CAMK4: variants seen among roughly 807,000 people sequenced by gnomAD.
The protein encoded by CAMK4 is calcium/calmodulin dependent protein kinase IV.
A neutral mutation model predicts 44.9 loss-of-function variants in CAMK4; 22 were observed. That is an observed-to-expected ratio of 0.49 (90% CI 0.35 to 0.70). CAMK4 has a LOEUF of 0.70. Ranked by LOEUF, CAMK4 falls within the 30% of genes least tolerant of loss-of-function variation. The pLI, the probability that CAMK4 is intolerant of heterozygous loss-of-function variation, is 0.01. For synonymous variants in CAMK4, 218 were observed against 215.4 expected (o/e 1.01, Z -0.11); for missense variants, 498 against 586.8 (o/e 0.85, Z 1.56).
At chr5:111,311,659 G>T (rs1004836027) in intron 1 of CAMK4, among the ~76,000 whole-genome samples, 1 of 152,110 alleles carries the variant, frequency 6.6e-6, no homozygotes, top group African/African-American at 2.4e-5. Flanking sequence ...AGGATTCTTT[G>T]CTCTTCTTGG....
At chr5:111,254,651 C>G (rs1020341987) in intron 1 of CAMK4, among the ~76,000 whole-genome samples, 1 of 152,170 alleles carries the variant, frequency 6.6e-6, no homozygotes, top group Non-Finnish European at 1.5e-5. Context: ...CTGCACATCC[C>G]ATCTACTCCT....
intron 1 of CAMK4, among the ~76,000 whole-genome samples, chr5:111,257,478 T>C (rs1241054129): frequency 1.3e-5 from 2 of 152,164 alleles, no homozygotes; most frequent in Non-Finnish European, 2.9e-5. Flanking sequence ...ATGACAGTTA[T>C]TAAAAAGTCA....
At chr5:111,442,588 G>C (rs1431171447) in intron 5 of CAMK4, among the ~76,000 whole-genome samples, 1 of 149,060 alleles carries the variant, frequency 6.7e-6, no homozygotes, top group Non-Finnish European at 1.5e-5. Flanking sequence ...GAGGCTACAT[G>C]GTGTGTGATT....
At chr5:111,470,463 T>C (rs1051531608) in intron 7 of CAMK4, among the ~76,000 whole-genome samples, 9 of 152,182 alleles carry the variant, frequency 5.9e-5, no homozygotes, top group Admixed American at 3.3e-4. Context: ...TTATCTCATA[T>C]AGGGAGCACT....
intron 4 of CAMK4, among the ~76,000 whole-genome samples, chr5:111,385,871 G>A (rs566310076): frequency 3.7e-4 from 56 of 152,162 alleles, no homozygotes; most frequent in African/African-American, 1.2e-3. Context: ...CACCACGCCC[G>A]GCTGCAATAT....
intron 1 of CAMK4, among the ~76,000 whole-genome samples, chr5:111,286,210 A>G (rs1335194909): frequency 6.6e-6 from 1 of 152,152 alleles, no homozygotes; most frequent in Non-Finnish European, 1.5e-5. Flanking sequence ...ATCTTATTTC[A>G]CCATCATAAT....
intron 1 of CAMK4, among the ~76,000 whole-genome samples, chr5:111,231,986 A>G (rs966306370): frequency 6.6e-5 from 10 of 152,230 alleles, no homozygotes; most frequent in African/African-American, 2.4e-4. Context: ...TCTTGATGTA[A>G]TCAGAATCAT....
chr5:111,270,048 C>T (rs181738787), intron 1 of CAMK4: 2 of 152,664 alleles, frequency 1.3e-5, no homozygotes, highest in Non-Finnish European at 2.9e-5. Flanking sequence ...TTCATTTCCT[C>T]CTCCAGTTCT....
At chr5:111,257,062 A>G (rs1445196445) in intron 1 of CAMK4, among the ~76,000 whole-genome samples, 1 of 152,264 alleles carries the variant, frequency 6.6e-6, no homozygotes, top group South Asian at 2.1e-4. Flanking sequence ...AAGAAAATCT[A>G]GGTGATACTA....
chr5:111,328,082 G>C (rs1748981063), intron 1 of CAMK4, among the ~76,000 whole-genome samples: 1 of 125,462 alleles, frequency 8.0e-6, no homozygotes, highest in Non-Finnish European at 1.6e-5. Flanking sequence ...TGAAGTCCTT[G>C]CCCATGCCTG....
At chr5:111,297,392 C>G (rs932695650) in intron 1 of CAMK4, among the ~76,000 whole-genome samples, 1 of 152,158 alleles carries the variant, frequency 6.6e-6, no homozygotes, top group Non-Finnish European at 1.5e-5. Flanking sequence ...AATTAGCTCA[C>G]TGCACTTCGT....
intron 1 of CAMK4, among the ~76,000 whole-genome samples, chr5:111,315,946 A>G (rs1748404342): frequency 1.3e-5 from 2 of 152,136 alleles, no homozygotes; most frequent in Non-Finnish European, 2.9e-5. Flanking sequence ...AAAAGAGTTT[A>G]TCATTTTGTT....
At chr5:111,295,872 T>C (rs1318115908) in intron 1 of CAMK4, among the ~76,000 whole-genome samples, 1 of 152,220 alleles carries the variant, frequency 6.6e-6, no homozygotes, top group African/African-American at 2.4e-5. Flanking sequence ...GGTTGAAGCA[T>C]ATAACAAAAA....
intron 1 of CAMK4, among the ~76,000 whole-genome samples, chr5:111,241,491 C>G (rs1257271899): frequency 6.6e-6 from 1 of 152,158 alleles, no homozygotes; most frequent in Non-Finnish European, 1.5e-5. Context: ...CAACCTCTGT[C>G]ACTTTCCAGG....
At chr5:111,293,839 C>A (rs184034701) in intron 1 of CAMK4, among the ~76,000 whole-genome samples, 3 of 151,212 alleles carry the variant, frequency 2.0e-5, no homozygotes, top group Non-Finnish European at 2.9e-5. Context: ...CTCCGCCTCC[C>A]GGGTTCATGC....
intron 7 of CAMK4, among the ~76,000 whole-genome samples, chr5:111,461,450 C>G (rs1754639349): frequency 6.6e-6 from 1 of 152,178 alleles, no homozygotes; most frequent in Non-Finnish European, 1.5e-5. Context: ...ACAGGTTGTG[C>G]TCCTTTCTTA....
At chr5:111,241,138 T>G (rs1355551972) in intron 1 of CAMK4, among the ~76,000 whole-genome samples, 1 of 152,110 alleles carries the variant, frequency 6.6e-6, no homozygotes, top group Non-Finnish European at 1.5e-5. Flanking sequence ...TTTTTTTTTT[T>G]TACTATTAAC....
intron 2 of CAMK4, among the ~76,000 whole-genome samples, chr5:111,357,012 C>T (rs1259697696): frequency 6.6e-6 from 1 of 151,916 alleles, no homozygotes; most frequent in African/African-American, 2.4e-5. Flanking sequence ...AGTGCTGTTG[C>T]CCAAAAGATG....
At chr5:111,346,836 A>AACAAACAAACAT (rs1239210919) in intron 2 of CAMK4, among the ~76,000 whole-genome samples, 2 of 151,586 alleles carry the variant, frequency 1.3e-5, no homozygotes, top group East Asian at 3.9e-4. Flanking sequence ...CAAACAAACA[A>AACAAACAAACAT]ACAAACAAAA....
Sources: gnomAD v4.1 joint callset for allele counts (sites outside exome capture counted in the v4.1 genomes callset) on GRCh38, gnomAD v4.1.1 for gene constraint, MANE v1.5 for transcripts, NCBI Gene and HGNC (gene_info 2026-07-23, HGNC 2026-07-21) for gene names.